Variants in GOLGA1 observed in about 807,000 individuals in gnomAD.
GOLGA1 encodes golgin A1.
In GOLGA1, 63 loss-of-function variants were observed where a neutral mutation model predicts 119.7. That is an observed-to-expected ratio of 0.53 (90% CI 0.43 to 0.65). The LOEUF (loss-of-function observed/expected upper bound fraction) is 0.65, where lower values mean the gene tolerates loss of function less well. Among genes scored for constraint, GOLGA1 ranks in the 30% least tolerant of loss-of-function variants. The probability of loss-of-function intolerance (pLI) is 0.00; values close to 1 mark genes in which losing one functional copy is unlikely to be tolerated. For synonymous variants in GOLGA1, 318 were observed against 333.4 expected, an observed-to-expected ratio of 0.95 and a Z score of 0.50; for missense variants, 798 against 912.8, an observed-to-expected ratio of 0.87 and a Z score of 1.62.
intron 20 of GOLGA1, among the ~76,000 whole-genome samples, chr9:124,882,163 T>C (rs594312): frequency 0.98 from 149,659 of 152,308 alleles, 73,581 homozygotes; most frequent in South Asian, 1. Flanking sequence ...CAAGAACACA[T>C]GTCCCTGGGG....
chr9:124,881,133 T>A lies in GOLGA1; in HGVS notation c.2223+38A>T. ...GCTACTGCTGGGATAACTGACAACG[T>A]ATCTTGGAAGCTGGAACAGTAGACC... On this transcript the variant is annotated intron_variant, in intron 22 of 22. Transcript: ENST00000373555. The surrounding 1 kb of genome is among the most constrained non-coding windows in gnomAD (Gnocchi z 4.9). 1.8e-6 allele frequency: 2 copies of A among 1,081,406 alleles called. No individual in the cohort carries two copies. The highest frequency in any genetic ancestry group is 1.4e-6 in the Non-Finnish European group (1 of 691,990). 67.0% of individuals were successfully genotyped at this position (1,081,406 alleles called of 1,614,324 possible).
At chr9:124,929,957 T>C (rs561023154) in intron 4 of GOLGA1, among the ~76,000 whole-genome samples, 35 of 152,344 alleles carry the variant, frequency 2.3e-4, no homozygotes, top group African/African-American at 8.2e-4. Context: ...TTATTGGTCC[T>C]GTAGTATTAG....
chr9:124,899,782 C>A (rs146045959), intron 13 of GOLGA1, among the ~76,000 whole-genome samples: 1 of 152,196 alleles, frequency 6.6e-6, no homozygotes. Flanking sequence ...TCAGTGGCTG[C>A]GGCTTTCCCT....
At chr9:124,928,493 C>T (rs1830713795) in intron 5 of GOLGA1, among the ~76,000 whole-genome samples, 1 of 152,056 alleles carries the variant, frequency 6.6e-6, no homozygotes, top group Non-Finnish European at 1.5e-5. Flanking sequence ...GTTTCCTTAT[C>T]GTTTTTGTTT....
At chr9:124,937,637 A>G (rs918687811) in intron 3 of GOLGA1, among the ~76,000 whole-genome samples, 1 of 151,956 alleles carries the variant, frequency 6.6e-6, no homozygotes, top group Non-Finnish European at 1.5e-5. Context: ...TCTCAAAAAA[A>G]AAAAAAAGAA....
intron 15 of GOLGA1, among the ~76,000 whole-genome samples, chr9:124,897,760 C>T (rs1830012332): frequency 6.6e-6 from 1 of 152,210 alleles, no homozygotes; most frequent in African/African-American, 2.4e-5. Flanking sequence ...TCTCATGATG[C>T]AATGCTACTA....
chr9:124,902,527 C>T (rs1045920494), intron 12 of GOLGA1, among the ~76,000 whole-genome samples: 1 of 151,912 alleles, frequency 6.6e-6, no homozygotes, highest in Non-Finnish European at 1.5e-5. Flanking sequence ...TGCTCTGTCG[C>T]CCAGGCTTGA....
chr9:124,929,793 C>T (rs938888627), intron 4 of GOLGA1, among the ~76,000 whole-genome samples: 2 of 152,024 alleles, frequency 1.3e-5, no homozygotes, highest in African/African-American at 4.8e-5. Context: ...AAGTGAGCTC[C>T]CTTTCTACAC....
chr9:124,916,128 A>C (rs548502807), intron 10 of GOLGA1, among the ~76,000 whole-genome samples: 36 of 151,144 alleles, frequency 2.4e-4, no homozygotes, highest in Middle Eastern at 6.9e-3. Context: ...TAAATAAATA[A>C]ATACATAAAT....
intron 10 of GOLGA1, among the ~76,000 whole-genome samples, chr9:124,913,494 T>A (rs1385961873): frequency 6.6e-6 from 1 of 152,214 alleles, no homozygotes; most frequent in Non-Finnish European, 1.5e-5. Flanking sequence ...TAAACTTTCA[T>A]GTTCAGTTGT....
rs57035157 is a variant in GOLGA1, at chr9:124,933,697, G to A, written c.136-2291C>T. On this transcript the variant is annotated intron_variant, in intron 3 of 22. Transcript: ENST00000373555. The stretch of plus-strand genomic sequence containing the variant: ...CCCAAAGTGCTGGGATTACAGGTGT[G>A]AGCCACCCTGCCTGGCCTGGATTCT... 9.8e-3 allele frequency among the ~76,000 whole-genome samples: 1,489 copies of A among 152,284 alleles called. 20 individuals are homozygous for A. The highest frequency in any genetic ancestry group is 0.034 in the African/African-American group (1,419 of 41,546).
chr9:124,916,169 G>C (rs1830441377), intron 10 of GOLGA1, among the ~76,000 whole-genome samples: 2 of 150,384 alleles, frequency 1.3e-5, no homozygotes, highest in Non-Finnish European at 3.0e-5. Flanking sequence ...AAAAAAGTAA[G>C]GTGAATTCCA....
intron 10 of GOLGA1, 34 bp from the exon 11 acceptor site, chr9:124,912,060 A>C (rs1830351986): frequency 1.3e-6 from 2 of 1,598,098 alleles, no homozygotes; most frequent in Non-Finnish European, 8.5e-7. Flanking sequence ...TCTATACTAG[A>C]AGCCCTCTCT....
intron 12 of GOLGA1, among the ~76,000 whole-genome samples, chr9:124,901,220 C>T (rs1057329412): frequency 2.6e-5 from 4 of 151,536 alleles, no homozygotes; most frequent in Non-Finnish European, 5.9e-5. Context: ...ATCCACCTGC[C>T]TTAGCCTCCC....
rs1265145592 is a variant in GOLGA1, at chr9:124,923,191, T to G, written c.465A>C (p.Glu155Asp). ...EKNILTAQLQ[E>D]MKNQSMNLFQ... The stretch of plus-strand genomic sequence containing the variant: ...AAAGATTCATACTCTGGTTCTTCAT[T>G]TCCTGTAACTGGGCTGTCAGAATAT... Residue 155 changes from glutamate to aspartate, a missense_variant, in exon 8 of 23, where the codon GAA becomes GAC. Physicochemically the swap from Glu to Asp is conservative, Grantham distance 45. Transcript: ENST00000373555. 2 of 1,599,196 alleles carry G rather than the reference T, an allele frequency of 1.3e-6. No individual in the cohort carries two copies. Among genetic ancestry groups the G allele is most frequent in the Admixed American group, 1.7e-5 (1 of 59,404 alleles).
rs922713365 is a variant in GOLGA1, at chr9:124,888,834, G to T, written c.1761+309C>A. Among the ~76,000 whole-genome samples the T allele has an allele frequency of 6.6e-6, 1 of 152,106 alleles. No individual in the cohort carries two copies. Among genetic ancestry groups the T allele is most frequent in the African/African-American group, 2.4e-5 (1 of 41,418 alleles). On this transcript the variant is annotated intron_variant, in intron 18 of 22. Transcript: ENST00000373555. This position sits in a 1 kb window ranked among gnomAD's most constrained non-coding sequence, Gnocchi z 4.4. ...CCTGCCTCAGCCTCCCGAGTAGCTG[G>T]GACTACAGGCACTCGCCACCACGCC...
At position 124,941,024 on chromosome 9, in the gene GOLGA1, C is replaced by G. The variant is rs939285061; in HGVS notation, c.-259G>C. The G allele has an allele frequency of 6.6e-6, 1 of 152,444 alleles. No homozygotes were observed. The highest frequency in any genetic ancestry group is 2.4e-5 in the African/African-American group (1 of 41,470). 9.4% of individuals were successfully genotyped at this position (152,444 alleles called of 1,614,324 possible). ...CCCGCCTCCCGGGCCTCTCGTGAGC[C>G]CCGGCCCGCGTCACCAACCCCCACC... On this transcript the variant is annotated 5_prime_UTR_variant, in exon 1 of 23. Coordinates refer to ENST00000373555, the MANE Select transcript of GOLGA1 (RefSeq NM_002077.4).
Position 124,911,960 on chromosome 9 carries a change from C to T in GOLGA1, c.910G>A (p.Glu304Lys). 1 of 1,611,592 alleles carries T rather than the reference C, an allele frequency of 6.2e-7. No individual in the cohort carries two copies. ...GATAAGTTCTGTTCTAGTCTCTTCT[C>T]CAAGGATGCAACCTTCTCTTGCAAA... ...THLQEKVASL[E>K]KRLEQNLSGE... Residue 304 changes from glutamate (E) to lysine (K), a missense_variant, in exon 11 of 23, where the codon GAG (glutamate) becomes AAG (lysine). Coordinates refer to ENST00000373555, the MANE Select transcript of GOLGA1 (RefSeq NM_002077.4).
In GOLGA1 at chr9:124,897,843, C is replaced by G. The variant is rs890795736; in HGVS notation, c.1407+706G>C. Among the ~76,000 whole-genome samples the G allele has an allele frequency of 3.3e-5, 5 of 152,330 alleles. No individual in the cohort carries two copies. In the East Asian group the frequency reaches 9.6e-4, roughly 29 times the overall value. On this transcript the variant is annotated intron_variant, in intron 15 of 22. Transcript: ENST00000373555. ...AGGTGCAGGCATTCATCTATGGACA[C>G]TCTCAGAGAAGACTGCTGCCAAGGG...
Sources: gnomAD v4.1 joint callset for allele counts (sites outside exome capture counted in the v4.1 genomes callset) on GRCh38, gnomAD v4.1.1 for gene constraint, Gnocchi (gnomAD v3.1) non-coding constraint, MANE v1.5 for transcripts, NCBI Gene and HGNC (gene_info 2026-07-23, HGNC 2026-07-21) for gene names.